The following TMEM135 variants were observed in gnomAD, a reference collection of about 807,000 sequenced individuals.
TMEM135 encodes transmembrane protein 135, also known as peroxisomal membrane protein 52.
Under a neutral mutation model 60.3 loss-of-function variants are expected in TMEM135, and 30 were observed. The ratio of observed to expected loss-of-function variants is 0.50; its 90% CI spans 0.37 to 0.68. TMEM135 has a LOEUF of 0.68. TMEM135 is among the 30% of genes least tolerant of loss of function. TMEM135 has a pLI of 0.00. For missense variants in TMEM135, 468 were observed against 548.8 expected (o/e 0.85, Z 1.47); for synonymous variants, 190 against 186.7 (o/e 1.02, Z -0.14).
intron 5 of TMEM135, among the ~76,000 whole-genome samples, chr11:87,168,915 C>G (rs547011389): frequency 1.3e-5 from 2 of 152,094 alleles, no homozygotes; most frequent in East Asian, 3.9e-4. Flanking sequence ...AACTCTCCCA[C>G]TATTATTGTG....
intron 5 of TMEM135, among the ~76,000 whole-genome samples, chr11:87,210,083 A>G (rs1196113061): frequency 6.6e-6 from 1 of 152,182 alleles, no homozygotes; most frequent in East Asian, 1.9e-4. Context: ...AAAGATCTCT[A>G]ACAACATAAT....
intron 5 of TMEM135, among the ~76,000 whole-genome samples, chr11:87,160,652 A>G (rs473206): frequency 0.54 from 81,709 of 152,014 alleles, 23,032 homozygotes; most frequent in East Asian, 0.73. Context: ...TTGAAAAATA[A>G]CATTGCAGTT....
At chr11:87,060,381 A>T (rs1368497952) in intron 1 of TMEM135, among the ~76,000 whole-genome samples, 2 of 152,038 alleles carry the variant, frequency 1.3e-5, no homozygotes, top group African/African-American at 4.8e-5. Context: ...GAGTCAGGTT[A>T]TTTTTATATC....
chr11:87,274,831 TATA>T (rs1941938534), intron 6 of TMEM135, among the ~76,000 whole-genome samples: 1 of 147,158 alleles, frequency 6.8e-6, no homozygotes, highest in Non-Finnish European at 1.5e-5. Context: ...TGTGTGTGTT[TATA>T]TATTTATATA....
chr11:87,061,425 G>A lies in TMEM135; in HGVS notation c.142-6269G>A, dbSNP rs1436697345. Among the ~76,000 whole-genome samples, 4 of 152,114 alleles carry A rather than the reference G, an allele frequency of 2.6e-5. No individual in the cohort carries two copies. The East Asian group carries it at 7.7e-4, about 29-fold the overall frequency. Reference sequence around the variant, plus strand: ...GGCCCAAAATGTCAATAGTGCCAAGGCTGAGAAACTCTACTTTAAAGAAAT... The same window carrying A: ...GGCCCAAAATGTCAATAGTGCCAAGACTGAGAAACTCTACTTTAAAGAAAT... On this transcript the variant is annotated intron_variant, in intron 1 of 14. Coordinates refer to ENST00000305494, the MANE Select transcript of TMEM135 (RefSeq NM_022918.4).
At chr11:87,248,886 C>G (rs149827993) in intron 6 of TMEM135, among the ~76,000 whole-genome samples, 1 of 152,148 alleles carries the variant, frequency 6.6e-6, no homozygotes, top group African/African-American at 2.4e-5. Context: ...AATGGGATTA[C>G]TTTCTTGATT....
At chr11:87,167,249 A>C (rs1380046331) in intron 5 of TMEM135, among the ~76,000 whole-genome samples, 2 of 152,184 alleles carry the variant, frequency 1.3e-5, no homozygotes, top group Non-Finnish European at 2.9e-5. Context: ...TGTCATCTGC[A>C]AACAGAGATA....
At chr11:87,116,237 A>G (rs546803031) in intron 4 of TMEM135, among the ~76,000 whole-genome samples, 122 of 152,260 alleles carry the variant, frequency 8.0e-4, no homozygotes, top group African/African-American at 2.6e-3. Context: ...GGAATTGACA[A>G]TTTATCTGAA....
chr11:87,177,563 T>C (rs1939409416), intron 5 of TMEM135, among the ~76,000 whole-genome samples: 1 of 152,208 alleles, frequency 6.6e-6, no homozygotes, highest in Non-Finnish European at 1.5e-5. Flanking sequence ...TGGAGTTATA[T>C]AGCCATAATC....
intron 4 of TMEM135, among the ~76,000 whole-genome samples, chr11:87,125,785 G>A (rs878918375): frequency 6.6e-6 from 1 of 152,088 alleles, no homozygotes; most frequent in Admixed American, 6.5e-5. Flanking sequence ...TAGAAGATGG[G>A]GGTCAGTTCT....
chr11:87,057,514 G>C (rs1194091010), intron 1 of TMEM135, among the ~76,000 whole-genome samples: 2 of 152,060 alleles, frequency 1.3e-5, no homozygotes, highest in Non-Finnish European at 2.9e-5. Flanking sequence ...TTTTTGTTTT[G>C]CTTTGCGATT....
At chr11:87,209,610 A>G (rs750762140) in intron 5 of TMEM135, among the ~76,000 whole-genome samples, 2 of 152,164 alleles carry the variant, frequency 1.3e-5, no homozygotes, top group East Asian at 1.9e-4. Context: ...GGAGACTTCA[A>G]CACCCTACTA....
At chr11:87,123,390 A>G (rs185160222) in intron 4 of TMEM135, among the ~76,000 whole-genome samples, 5 of 152,264 alleles carry the variant, frequency 3.3e-5, no homozygotes, top group African/African-American at 1.2e-4. Context: ...CTGTCATCAC[A>G]TGGCCTTCTT....
Position 87,322,525 on chromosome 11 carries a change from T to C in TMEM135, c.*1192T>C, listed in dbSNP as rs1337301573. 1 of 454,004 alleles carries C rather than the reference T, an allele frequency of 2.2e-6. No homozygotes were observed. Among genetic ancestry groups the C allele is most frequent in the Admixed American group, 2.4e-5 (1 of 42,546 alleles). 28.1% of individuals were successfully genotyped at this position (454,004 alleles called of 1,614,324 possible). A position where few individuals can be genotyped will look rare whatever the true frequency, so the allele number is the denominator to read the frequency against. ...CTATTTACAGTTTTTCAGGGAAAAG[T>C]TATACTTTTCTATGTTAATAAAGAG... On this transcript the variant is annotated 3_prime_UTR_variant, in exon 15 of 15. Coordinates refer to ENST00000305494, the MANE Select transcript of TMEM135 (RefSeq NM_022918.4).
intron 6 of TMEM135, among the ~76,000 whole-genome samples, chr11:87,274,685 G>C (rs1391093744): frequency 1.3e-5 from 2 of 151,834 alleles, no homozygotes; most frequent in Non-Finnish European, 2.9e-5. Flanking sequence ...TTTGAGCCAG[G>C]TGTGGTGGCT....
At chr11:87,076,442 C>G (rs1042558585) in intron 3 of TMEM135, among the ~76,000 whole-genome samples, 6 of 152,196 alleles carry the variant, frequency 3.9e-5, no homozygotes, top group Non-Finnish European at 5.9e-5. Flanking sequence ...AGTAGGCCCC[C>G]CCTCTGGCCT....
At chr11:87,236,784 T>TA in intron 6 of TMEM135, 100 bp downstream of exon 6, 1 of 1,209,458 alleles carries the variant, frequency 8.3e-7, no homozygotes, top group South Asian at 1.2e-5. Flanking sequence ...AATTATCCCT[T>TA]ACAAGCAGCA....
intron 5 of TMEM135, among the ~76,000 whole-genome samples, chr11:87,230,214 A>G (rs1038493872): frequency 2.0e-5 from 3 of 152,098 alleles, no homozygotes; most frequent in Non-Finnish European, 2.9e-5. Flanking sequence ...AATATCATAC[A>G]TAATTGGTCT....
chr11:87,275,905 G>A (rs191756078), intron 6 of TMEM135, among the ~76,000 whole-genome samples: 64 of 152,042 alleles, frequency 4.2e-4, no homozygotes, highest in African/African-American at 1.4e-3. Context: ...CAGGTGATCC[G>A]CCCGTCTAGG....
Sources: gnomAD v4.1 joint callset for allele counts (sites outside exome capture counted in the v4.1 genomes callset) on GRCh38, gnomAD v4.1.1 for gene constraint, MANE v1.5 for transcripts, NCBI Gene and HGNC (gene_info 2026-07-23, HGNC 2026-07-21) for gene names.